RIMBP2: variants seen among roughly 807,000 people sequenced by gnomAD.
RIMBP2 encodes RIMS-binding protein 2.
RIMBP2 carries 48 observed loss-of-function variants against 118.6 expected under a neutral mutation model. The observed-to-expected ratio is 0.40, with a 90% confidence interval of 0.32 to 0.51. The LOEUF (loss-of-function observed/expected upper bound fraction) is 0.51. Among genes scored for constraint, RIMBP2 ranks in the 20% least tolerant of loss-of-function variants. The probability of loss-of-function intolerance (pLI) is 0.41; values close to 1 mark genes in which losing one functional copy is unlikely to be tolerated. For synonymous variants in RIMBP2, 762 were observed against 742.9 expected (o/e 1.03, Z -0.42); for missense variants, 1,551 against 1,768.3 (o/e 0.88, Z 2.20).
Position 130,434,640 on chromosome 12 carries a change from A to G in RIMBP2, c.2253+94T>C. ...CCATCTCTCTCAGGGACCCAAGGGT[A>G]GCGGGGAAAGTGCCCATGTCTCTTG... On this transcript the variant is annotated intron_variant, in intron 14 of 22. Coordinates refer to ENST00000690449, the MANE Select transcript of RIMBP2 (RefSeq NM_001393629.1). The surrounding 1 kb of genome is among the most constrained non-coding windows in gnomAD (Gnocchi z 5.7). 1 of 1,334,878 alleles carries G rather than the reference A, an allele frequency of 7.5e-7. No individual in the cohort carries two copies. The highest frequency in any genetic ancestry group is 1.5e-5 in the South Asian group (1 of 67,506). 82.7% of individuals were successfully genotyped at this position (1,334,878 alleles called of 1,614,324 possible).
chr12:130,534,352 G>A (rs566777729), intron 2 of RIMBP2, among the ~76,000 whole-genome samples: 71 of 151,936 alleles, frequency 4.7e-4, no homozygotes, highest in African/African-American at 1.6e-3. Context: ...AGTGGCTCAC[G>A]CCTGTAATCC....
Position 130,648,478 on chromosome 12 carries a change from C to T in RIMBP2, c.-351-20022G>A, listed in dbSNP as rs933447204. 9.0e-5 allele frequency among the ~76,000 whole-genome samples: 13 copies of T among 144,844 alleles called. 1 individual carries two copies. The highest frequency in any genetic ancestry group is 3.2e-4 in the African/African-American group (13 of 40,476). On this transcript the variant is annotated intron_variant, in intron 1 of 22. Transcript: ENST00000690449. ...CCTTAAAATACATTCCATCTGTATG[C>T]GTCTTCTAAATCCCCCAGCAAAATC...
At chr12:130,544,321 A>C (rs908552157) in intron 2 of RIMBP2, among the ~76,000 whole-genome samples, 1 of 152,186 alleles carries the variant, frequency 6.6e-6, no homozygotes, top group Non-Finnish European at 1.5e-5. Flanking sequence ...GCCATGCTGC[A>C]TGGGAAGCAC....
intron 1 of RIMBP2, among the ~76,000 whole-genome samples, chr12:130,642,242 G>T (rs111931842): frequency 1.3e-5 from 2 of 152,042 alleles, no homozygotes; most frequent in African/African-American, 2.4e-5. Flanking sequence ...CCAGGGAGAG[G>T]CCCTGGCTCC....
rs2074347577 is a variant in RIMBP2 at position 130,399,704 on chromosome 12, G to GTATC, written c.3871_3874dup (p.Thr1292ArgfsTer14). ...CCTTTTTGCCTTTGAGCGCATTGGC[G>GTATC]TATCTTGAGAGTAGTGGGATGGAGC... On this transcript the variant is annotated frameshift_variant, in exon 22 of 23. Coordinates refer to ENST00000690449, the MANE Select transcript of RIMBP2 (RefSeq NM_001393629.1). LOFTEE classifies it high-confidence loss of function. 1 of 1,614,160 alleles carries GTATC rather than the reference G, an allele frequency of 6.2e-7. No homozygotes were observed. Among genetic ancestry groups the GTATC allele is most frequent in the Non-Finnish European group, 8.5e-7 (1 of 1,180,000 alleles).
At chr12:130,412,202 C>T (rs2136467923) in intron 19 of RIMBP2, among the ~76,000 whole-genome samples, 1 of 152,262 alleles carries the variant, frequency 6.6e-6, no homozygotes, top group African/African-American at 2.4e-5. Context: ...GAGCTTGTGC[C>T]TCTTGGATAA....
intron 1 of RIMBP2, among the ~76,000 whole-genome samples, chr12:130,708,861 C>T (rs935084083): frequency 2.6e-5 from 4 of 152,238 alleles, no homozygotes; most frequent in African/African-American, 9.6e-5. Context: ...TGGGATCTCA[C>T]AGGTCCTGCA....
At chr12:130,646,346 A>ACCACTTCCCTCT (rs1566423192) in intron 1 of RIMBP2, among the ~76,000 whole-genome samples, 2 of 50,288 alleles carry the variant, frequency 4.0e-5, no homozygotes. Flanking sequence ...CACCTCCCTC[A>ACCACTTCCCTCT]CCACCTCCCT....
chr12:130,400,933 G>T (rs1192747270), intron 21 of RIMBP2, among the ~76,000 whole-genome samples: 1 of 152,158 alleles, frequency 6.6e-6, no homozygotes, highest in African/African-American at 2.4e-5. Context: ...AGGTACTGGT[G>T]AAGATATGAA....
At chr12:130,615,299 G>A (rs11061035) in intron 2 of RIMBP2, among the ~76,000 whole-genome samples, 2,982 of 49,522 alleles carry the variant, frequency 0.06, 118 homozygotes, top group African/African-American at 0.11. Flanking sequence ...ATATATATGT[G>A]TACACACAAA....
At chr12:130,473,810 A>G (rs545522807) in intron 5 of RIMBP2, among the ~76,000 whole-genome samples, 7 of 152,300 alleles carry the variant, frequency 4.6e-5, no homozygotes, top group African/African-American at 1.7e-4. Flanking sequence ...CCATCCACAC[A>G]CAACTGAGGC....
intron 4 of RIMBP2, among the ~76,000 whole-genome samples, chr12:130,490,502 T>C (rs544600253): frequency 1.3e-5 from 2 of 152,288 alleles, no homozygotes; most frequent in South Asian, 4.1e-4. Flanking sequence ...GGCTGATAGC[T>C]ACTTTAATGA....
intron 2 of RIMBP2, among the ~76,000 whole-genome samples, chr12:130,608,174 G>T (rs563205322): frequency 2.7e-4 from 41 of 152,344 alleles, no homozygotes; most frequent in Admixed American, 2.4e-3. Context: ...GGAAAGAGCT[G>T]CTAGAAAACG....
chr12:130,553,699 G>A (rs889281869), intron 2 of RIMBP2, among the ~76,000 whole-genome samples: 4 of 152,164 alleles, frequency 2.6e-5, no homozygotes, highest in Admixed American at 2.6e-4. Flanking sequence ...AGTCCTGATT[G>A]TGCCACTGCA....
intron 4 of RIMBP2, among the ~76,000 whole-genome samples, chr12:130,496,093 G>A (rs142089623): frequency 2.0e-5 from 3 of 152,268 alleles, no homozygotes; most frequent in East Asian, 3.9e-4. Flanking sequence ...CATGTGATAC[G>A]GTTTGGCTGT....
chr12:130,594,536 C>T lies in RIMBP2; in HGVS notation c.-217+33786G>A, dbSNP rs1383751444. On this transcript the variant is annotated intron_variant, in intron 2 of 22. Coordinates refer to ENST00000690449, the MANE Select transcript of RIMBP2 (RefSeq NM_001393629.1). ...ATTGTCTTGGGCCACACATAAAATA[C>T]ACTAACAGTAGCTGATAAGCTAAAA... Among the ~76,000 whole-genome samples, 4 of 152,280 alleles carry T rather than the reference C, an allele frequency of 2.6e-5. No homozygotes were observed. The East Asian group carries it at 7.7e-4, about 29-fold the overall frequency.
intron 2 of RIMBP2, among the ~76,000 whole-genome samples, chr12:130,532,195 G>C (rs895393469): frequency 1.4e-5 from 2 of 145,990 alleles, no homozygotes; most frequent in African/African-American, 5.0e-5. Flanking sequence ...AATGAGATGC[G>C]TGTGTGTAGC....
intron 2 of RIMBP2, among the ~76,000 whole-genome samples, chr12:130,605,140 A>G (rs11061022): frequency 0.82 from 124,661 of 151,730 alleles, 51,303 homozygotes; most frequent in South Asian, 0.87. Flanking sequence ...CTCAGAACTC[A>G]TTCCATTGCT....
chr12:130,639,774 T>G (rs923391431), intron 1 of RIMBP2, among the ~76,000 whole-genome samples: 2 of 152,170 alleles, frequency 1.3e-5, no homozygotes, highest in Non-Finnish European at 2.9e-5. Context: ...AAGTATTTTA[T>G]TTCTTGTATC....
Sources: allele counts gnomAD v4.1 joint callset (sites outside exome capture counted in the v4.1 genomes callset), GRCh38; gene constraint gnomAD v4.1.1; non-coding constraint Gnocchi (gnomAD v3.1); transcripts MANE v1.5; gene names NCBI Gene and HGNC (gene_info 2026-07-23, HGNC 2026-07-21).